Variants in PALLD observed in about 807,000 individuals in gnomAD.
PALLD encodes the protein palladin, cytoskeletal associated protein, also known as palladin.
In PALLD, 61 loss-of-function variants were observed where a neutral mutation model predicts 123.5. The observed-to-expected ratio is 0.49, with a 90% CI of 0.40 to 0.61. The LOEUF (loss-of-function observed/expected upper bound fraction) is 0.61. Ranked by LOEUF, PALLD falls within the 20% of genes least tolerant of loss-of-function variation. The probability of loss-of-function intolerance (pLI) is 0.00; values close to 1 mark genes in which losing one functional copy is unlikely to be tolerated. For missense variants in PALLD, 1,273 were observed against 1,377.0 expected (o/e 0.92, Z 1.20); for synonymous variants, 465 against 496.4 (o/e 0.94, Z 0.84).
At chr4:168,706,764 A>C (rs930544985) in intron 8 of PALLD, among the ~76,000 whole-genome samples, 4 of 152,230 alleles carry the variant, frequency 2.6e-5, no homozygotes, top group Non-Finnish European at 4.4e-5. Context: ...AAAAATAGAT[A>C]TATATATTTG....
At chr4:168,532,159 C>T (rs916842038) in intron 2 of PALLD, among the ~76,000 whole-genome samples, 2 of 152,164 alleles carry the variant, frequency 1.3e-5, no homozygotes, top group African/African-American at 2.4e-5. Context: ...TATCATTTAG[C>T]TTCCACTTAT....
At chr4:168,874,413 T>C (rs184559406) in intron 10 of PALLD, among the ~76,000 whole-genome samples, 109 of 152,372 alleles carry the variant, frequency 7.2e-4, no homozygotes, top group African/African-American at 2.5e-3. Context: ...TGTAAAATTA[T>C]TCTTGTTGAA....
chr4:168,789,825 C>T (rs1017134220), intron 10 of PALLD, among the ~76,000 whole-genome samples: 15 of 152,038 alleles, frequency 9.9e-5, no homozygotes, highest in African/African-American at 3.4e-4. Flanking sequence ...AGTGTACTTA[C>T]CCTGCAGTCA....
chr4:168,888,493 G>A (rs1363708479), intron 10 of PALLD, among the ~76,000 whole-genome samples: 1 of 152,126 alleles, frequency 6.6e-6, no homozygotes, highest in African/African-American at 2.4e-5. Context: ...GCACATATGG[G>A]TTCTCCTCTT....
chr4:168,574,295 C>A (rs564061081), intron 2 of PALLD, among the ~76,000 whole-genome samples: 102 of 152,092 alleles, frequency 6.7e-4, no homozygotes, highest in Middle Eastern at 3.4e-3. Flanking sequence ...CCACAAAAAA[C>A]CCCCAAAGAA....
chr4:168,567,734 G>C (rs754241345), intron 2 of PALLD, among the ~76,000 whole-genome samples: 1 of 151,830 alleles, frequency 6.6e-6, no homozygotes, highest in Non-Finnish European at 1.5e-5. Context: ...ACTTATAAGT[G>C]GGAGCTAAAC....
chr4:168,525,393 GGAGA>G (rs759766023), intron 2 of PALLD, among the ~76,000 whole-genome samples: 2 of 152,312 alleles, frequency 1.3e-5, no homozygotes, highest in East Asian at 3.9e-4. Context: ...CACATCAAAA[GGAGA>G]GAGATTCCTC....
intron 10 of PALLD, among the ~76,000 whole-genome samples, chr4:168,725,174 A>G (rs1033520442): frequency 1.1e-4 from 16 of 152,330 alleles, no homozygotes; most frequent in African/African-American, 3.8e-4. Flanking sequence ...TTTTCACTTC[A>G]CTTTATATGT....
In PALLD at chr4:168,694,975, A is replaced by G. The variant is rs530965376; in HGVS notation, c.1501+3683A>G. On this transcript the variant is annotated intron_variant, in intron 8 of 21. Transcript: ENST00000505667. ...GAAGACTCATTTGACAGCTGTTAAT[A>G]CTCAGTCTCTTACTCACTCAGCTGT... Among the ~76,000 whole-genome samples, 6 of 152,314 alleles carry G rather than the reference A, an allele frequency of 3.9e-5. No individual in the cohort carries two copies. In the South Asian group the frequency reaches 1.2e-3, roughly 32 times the overall value.
intron 2 of PALLD, among the ~76,000 whole-genome samples, chr4:168,641,221 A>G (rs1271126284): frequency 6.6e-6 from 1 of 151,224 alleles, no homozygotes; most frequent in East Asian, 1.9e-4. Context: ...AAAAAAAAAA[A>G]AGAGAGAGAT....
At position 168,753,731 on chromosome 4, in the gene PALLD, C is replaced by T. The variant is rs528053102; in HGVS notation, c.1964+41808C>T. On this transcript the variant is annotated intron_variant, in intron 10 of 21. Coordinates refer to ENST00000505667, the MANE Select transcript of PALLD (RefSeq NM_001166108.2). Reference sequence around the variant, plus strand: ...GATAGGAACTGGGGCCTCCCAGTGACGACCAGCACCAACTTGCCAGCCGTG... The same window carrying T: ...GATAGGAACTGGGGCCTCCCAGTGATGACCAGCACCAACTTGCCAGCCGTG... Among the ~76,000 whole-genome samples the T allele has an allele frequency of 3.3e-4, 51 of 152,294 alleles. 1 individual carries two copies. The South Asian group carries it at 3.7e-3, about 11-fold the overall frequency.
intron 1 of PALLD, among the ~76,000 whole-genome samples, chr4:168,500,390 G>T (rs1406344908): frequency 2.5e-5 from 2 of 79,336 alleles, no homozygotes; most frequent in Non-Finnish European, 2.7e-5. Flanking sequence ...TTGAGTCAGG[G>T]TCTCACTCTT....
rs372582436 is a variant in PALLD, at chr4:168,511,644, G to A, written c.140G>A (p.Arg47Gln). ...EEINKSLDLA[R>Q]RAIADSETED... ...ATAAACAAGAGTCTTGACCTGGCCC[G>A]GAGAGCCATAGCCGACTCCGAAACA... The change falls in exon 2 of 22, where the codon CGG becomes CAG. Residue 47 changes from arginine to glutamine, a missense_variant. Coordinates refer to ENST00000505667, the MANE Select transcript of PALLD (RefSeq NM_001166108.2). 60 of 1,614,034 alleles carry A rather than the reference G, an allele frequency of 3.7e-5. No homozygotes were observed. Among genetic ancestry groups the A allele is most frequent in the Admixed American group, 2.5e-4 (15 of 60,006 alleles).
chr4:168,737,792 TACCTCTA>T (rs1424122291), intron 10 of PALLD, among the ~76,000 whole-genome samples: 1 of 152,236 alleles, frequency 6.6e-6, no homozygotes, highest in African/African-American at 2.4e-5. Context: ...ATTCGGCCCA[TACCTCTA>T]ACCCTTCCAA....
At chr4:168,613,439 A>G (rs879628216) in intron 2 of PALLD, among the ~76,000 whole-genome samples, 13 of 152,156 alleles carry the variant, frequency 8.5e-5, no homozygotes, top group Non-Finnish European at 1.5e-4. Context: ...CTCAGCCTCA[A>G]TCTTTACCTG....
Position 168,644,771 on chromosome 4 carries a change from T to A in PALLD, c.909-23419T>A, listed in dbSNP as rs140585160. Reference sequence around the variant, plus strand: ...TTTCCTTTAACTAAAGTGGAAGTGTTATCTGAAGTTTCATGAAAATAGCAT... The same window carrying A: ...TTTCCTTTAACTAAAGTGGAAGTGTAATCTGAAGTTTCATGAAAATAGCAT... On this transcript the variant is annotated intron_variant, in intron 2 of 21. Transcript: ENST00000505667. 2.7e-3 allele frequency among the ~76,000 whole-genome samples: 409 copies of A among 152,314 alleles called. 3 individuals carry two copies. Among genetic ancestry groups the A allele is most frequent in the Middle Eastern group, 3.4e-3 (1 of 294 alleles).
At chr4:168,819,648 G>A (rs773466852) in intron 10 of PALLD, among the ~76,000 whole-genome samples, 5 of 152,186 alleles carry the variant, frequency 3.3e-5, no homozygotes, top group Non-Finnish European at 5.9e-5. Flanking sequence ...CAAATGATTA[G>A]AAAGCATTTT....
At chr4:168,511,386 A>G (rs1561190905) in intron 1 of PALLD, 37 bp from the exon 2 acceptor site, 1 of 735,654 alleles carries the variant, frequency 1.4e-6, no homozygotes, top group South Asian at 1.6e-5. Flanking sequence ...TGGGGAAAAA[A>G]TCATTGCTAC....
chr4:168,924,010 A>G (rs898979371), intron 18 of PALLD, among the ~76,000 whole-genome samples: 3 of 152,212 alleles, frequency 2.0e-5, no homozygotes, highest in African/African-American at 7.2e-5. Flanking sequence ...TGTGAAGCAG[A>G]TGGCCAGTGG....
Sources: gnomAD v4.1 joint callset for allele counts (sites outside exome capture counted in the v4.1 genomes callset) on GRCh38, gnomAD v4.1.1 for gene constraint, MANE v1.5 for transcripts, NCBI Gene and HGNC (gene_info 2026-07-23, HGNC 2026-07-21) for gene names.